THSD7B: variants seen among roughly 807,000 people sequenced by gnomAD.
THSD7B encodes thrombospondin type-1 domain-containing protein 7B.
THSD7B carries 138 observed loss-of-function variants against 213.6 expected under a neutral mutation model. The observed-to-expected ratio is 0.65, with a 90% CI of 0.56 to 0.74. THSD7B has a LOEUF of 0.74. THSD7B is among the 30% of genes least tolerant of loss of function. The pLI, the probability that THSD7B is intolerant of heterozygous loss-of-function variation, is 0.00. For missense variants in THSD7B, 1,931 were observed against 1,991.5 expected (o/e 0.97, Z 0.58); for synonymous variants, 742 against 687.0 (o/e 1.08, Z -1.25).
chr2:137,436,650 C>G (rs911055463), intron 14 of THSD7B, among the ~76,000 whole-genome samples: 1 of 152,102 alleles, frequency 6.6e-6, no homozygotes, highest in African/African-American at 2.4e-5. Flanking sequence ...TATGAACAGT[C>G]TTACAACAGC....
intron 14 of THSD7B, among the ~76,000 whole-genome samples, chr2:137,422,389 T>C (rs994930797): frequency 6.6e-6 from 1 of 152,186 alleles, no homozygotes; most frequent in African/African-American, 2.4e-5. Context: ...ATTTAATATG[T>C]TGTATTTTCT....
chr2:136,937,072 A>T (rs1684746972), intron 2 of THSD7B, among the ~76,000 whole-genome samples: 1 of 152,160 alleles, frequency 6.6e-6, no homozygotes, highest in African/African-American at 2.4e-5. Flanking sequence ...GAGAATTTTC[A>T]GCACCGTAAC....
chr2:137,262,860 G>A (rs1432868603), intron 10 of THSD7B, among the ~76,000 whole-genome samples: 1 of 152,122 alleles, frequency 6.6e-6, no homozygotes, highest in Non-Finnish European at 1.5e-5. Context: ...CTGAGAGTAG[G>A]GTGGGGCACT....
intron 17 of THSD7B, among the ~76,000 whole-genome samples, chr2:137,613,135 T>A (rs1682318376): frequency 6.6e-6 from 1 of 152,174 alleles, no homozygotes; most frequent in Non-Finnish European, 1.5e-5. Context: ...TAAATCTCTT[T>A]TAACCTAGCT....
intron 12 of THSD7B, among the ~76,000 whole-genome samples, chr2:137,350,738 G>A (rs1684995619): frequency 6.6e-6 from 1 of 151,764 alleles, no homozygotes; most frequent in Admixed American, 6.6e-5. Flanking sequence ...CAGGATCGTA[G>A]CTTTGATTAT....
chr2:137,559,107 A>G (rs1179119043), intron 15 of THSD7B, among the ~76,000 whole-genome samples: 1 of 152,234 alleles, frequency 6.6e-6, no homozygotes. Flanking sequence ...CATGGATAGG[A>G]AGAATCAATA....
intron 1 of THSD7B, among the ~76,000 whole-genome samples, chr2:136,795,349 C>A (rs1573641504): frequency 6.6e-6 from 1 of 152,028 alleles, no homozygotes; most frequent in African/African-American, 2.4e-5. Context: ...TACGTTGCAT[C>A]CACCTGATGC....
chr2:136,903,847 A>T (rs1215684160), intron 2 of THSD7B, among the ~76,000 whole-genome samples: 1 of 152,036 alleles, frequency 6.6e-6, no homozygotes, highest in African/African-American at 2.4e-5. Context: ...ACCACCTTAC[A>T]TGAGGCTCTC....
At chr2:137,404,860 A>G (rs920073774) in intron 12 of THSD7B, among the ~76,000 whole-genome samples, 6 of 151,972 alleles carry the variant, frequency 3.9e-5, no homozygotes, top group African/African-American at 1.5e-4. Context: ...TGGTGGGAAC[A>G]GTGGGAGGGG....
At chr2:137,025,591 T>TGA (rs1430496482) in intron 2 of THSD7B, among the ~76,000 whole-genome samples, 2 of 152,172 alleles carry the variant, frequency 1.3e-5, no homozygotes, top group Non-Finnish European at 1.5e-5. Context: ...CTCTTCTGTG[T>TGA]GAGGATTCAG....
intron 15 of THSD7B, among the ~76,000 whole-genome samples, chr2:137,531,700 C>A (rs1412210100): frequency 6.6e-6 from 1 of 151,970 alleles, no homozygotes; most frequent in Non-Finnish European, 1.5e-5. Flanking sequence ...ATTTTTACAC[C>A]TGCAGTTAAC....
chr2:136,916,751 C>T (rs517557), intron 2 of THSD7B, among the ~76,000 whole-genome samples: 63,154 of 152,024 alleles, frequency 0.42, 15,044 homozygotes, highest in Non-Finnish European at 0.55. Context: ...AGTGTGAAGA[C>T]TAAGTTGCCA....
intron 2 of THSD7B, among the ~76,000 whole-genome samples, chr2:137,037,179 G>T (rs1686793789): frequency 6.6e-6 from 1 of 151,984 alleles, no homozygotes; most frequent in African/African-American, 2.4e-5. Context: ...TCTATTTCTG[G>T]CATTTCTGAT....
intron 14 of THSD7B, among the ~76,000 whole-genome samples, chr2:137,422,308 T>C (rs1015148698): frequency 1.3e-5 from 2 of 152,236 alleles, no homozygotes; most frequent in Admixed American, 6.5e-5. Context: ...CTTTTACTTT[T>C]GTTTTGTTTG....
At chr2:137,285,799 C>T (rs368167210) in intron 12 of THSD7B, among the ~76,000 whole-genome samples, 12 of 151,982 alleles carry the variant, frequency 7.9e-5, no homozygotes, top group Middle Eastern at 3.4e-3. Flanking sequence ...AATATGTGAT[C>T]GAATCATTAA....
chr2:136,835,140 T>C (rs1418459342), intron 1 of THSD7B, among the ~76,000 whole-genome samples: 6 of 152,232 alleles, frequency 3.9e-5, no homozygotes, highest in Non-Finnish European at 5.9e-5. Flanking sequence ...ACTCTATTTC[T>C]ATACAAAGCT....
At chr2:137,140,514 C>T (rs988845) in intron 5 of THSD7B, among the ~76,000 whole-genome samples, 102,923 of 151,872 alleles carry the variant, frequency 0.68, 36,625 homozygotes, top group Non-Finnish European at 0.78. Flanking sequence ...CCAAAAATTC[C>T]GTGTCATTTA....
At chr2:137,215,881 T>G (rs577732778) in intron 7 of THSD7B, among the ~76,000 whole-genome samples, 3 of 152,290 alleles carry the variant, frequency 2.0e-5, no homozygotes, top group South Asian at 4.1e-4. Flanking sequence ...GTTTTTAGAT[T>G]AAGCTATGTG....
At chr2:136,773,534 A>G (rs946105438) in intron 1 of THSD7B, among the ~76,000 whole-genome samples, 1 of 152,132 alleles carries the variant, frequency 6.6e-6, no homozygotes, top group Non-Finnish European at 1.5e-5. Context: ...CCATTTCAAT[A>G]TGTAGTGATT....
Sources: allele counts gnomAD v4.1 joint callset (sites outside exome capture counted in the v4.1 genomes callset), GRCh38; gene constraint gnomAD v4.1.1; transcripts MANE v1.5; gene names NCBI Gene and HGNC (gene_info 2026-07-23, HGNC 2026-07-21).